The following PCNT variants were observed in gnomAD, a reference collection of about 807,000 sequenced individuals.
PCNT encodes the protein kendrin.
A neutral mutation model predicts 380.4 loss-of-function variants in PCNT; 319 were observed. The ratio of observed to expected loss-of-function variants is 0.84; its 90% CI spans 0.77 to 0.92. The LOEUF (loss-of-function observed/expected upper bound fraction) is 0.92. Ranked by LOEUF, PCNT falls within the 40% of genes least tolerant of loss-of-function variation. The pLI is 0.00. For missense variants in PCNT, 4,400 were observed against 4,255.3 expected (o/e 1.03, Z -0.95); for synonymous variants, 1,845 against 1,735.2 (o/e 1.06, Z -1.57).
chr21:46,404,363 C>T (rs192023372), intron 27 of PCNT, among the ~76,000 whole-genome samples: 17 of 152,344 alleles, frequency 1.1e-4, no homozygotes, highest in African/African-American at 3.6e-4. Context: ...AAGGTTCTGT[C>T]GGCTCTGTTT....
intron 27 of PCNT, among the ~76,000 whole-genome samples, chr21:46,407,634 C>A (rs1285292224): frequency 6.6e-6 from 1 of 152,180 alleles, no homozygotes; most frequent in Non-Finnish European, 1.5e-5. Context: ...TGAGCCACCG[C>A]GCCCAGTCTA....
At position 46,422,712 on chromosome 21, in the gene PCNT, C is replaced by T. The variant is rs1216705930; in HGVS notation, c.7179+588C>T. ...GTCAAGTGGTAAACATATTCCCAAA[C>T]AAAACAGTCTTCACATCAGTGAAAC... On this transcript the variant is annotated intron_variant, in intron 32 of 46. Coordinates refer to ENST00000359568, the MANE Select transcript of PCNT (RefSeq NM_006031.6). 2.6e-5 allele frequency among the ~76,000 whole-genome samples: 4 copies of T among 152,298 alleles called. No individual in the cohort carries two copies. The East Asian group carries it at 7.7e-4, about 29-fold the overall frequency.
intron 15 of PCNT, among the ~76,000 whole-genome samples, chr21:46,371,047 T>C (rs1351587504): frequency 6.6e-6 from 1 of 151,310 alleles, no homozygotes; most frequent in Non-Finnish European, 1.5e-5. Context: ...AAAATATATA[T>C]ATGAAAATAA....
intron 3 of PCNT, among the ~76,000 whole-genome samples, chr21:46,339,823 G>A (rs533517259): frequency 1.3e-5 from 2 of 152,252 alleles, no homozygotes; most frequent in South Asian, 4.1e-4. Flanking sequence ...ATCACACCAG[G>A]TATGGCTTTT....
rs1333081264 is a variant in PCNT at position 46,425,365 on chromosome 21, T to C, written c.7180-466T>C. 6.6e-6 allele frequency among the ~76,000 whole-genome samples: 1 copy of C among 152,226 alleles called. No homozygotes were observed. The highest frequency in any genetic ancestry group is 1.5e-5 in the Non-Finnish European group (1 of 68,034). On this transcript the variant is annotated intron_variant, in intron 32 of 46. Coordinates refer to ENST00000359568, the MANE Select transcript of PCNT (RefSeq NM_006031.6). The surrounding 1 kb of genome is among the most constrained non-coding windows in gnomAD (Gnocchi z 4.2). Reference sequence around the variant, plus strand: ...TTCACCCCACGCTGGTGGTCGGCACTGGCCTCAGCCGGACCACGCACAGAG... The same window carrying C: ...TTCACCCCACGCTGGTGGTCGGCACCGGCCTCAGCCGGACCACGCACAGAG...
At chr21:46,398,175 T>C in intron 23 of PCNT, 45 bp downstream of exon 23, 1 of 1,607,160 alleles carries the variant, frequency 6.2e-7, no homozygotes, top group Non-Finnish European at 8.5e-7. Flanking sequence ...TGTCTTTCAC[T>C]GTGTTTTTAA....
intron 15 of PCNT, among the ~76,000 whole-genome samples, chr21:46,376,409 C>A (rs371744571): frequency 6.6e-6 from 1 of 152,196 alleles, no homozygotes; most frequent in Non-Finnish European, 1.5e-5. Context: ...GCACCGGGAG[C>A]GCAGAGGTTT....
chr21:46,415,739 TAC>T (rs2087001612), intron 29 of PCNT, among the ~76,000 whole-genome samples: 1 of 152,160 alleles, frequency 6.6e-6, no homozygotes, highest in African/African-American at 2.4e-5. Context: ...TCTTAGAAGT[TAC>T]ACACACAGAA....
chr21:46,363,766 T>G lies in PCNT; in HGVS notation c.2441T>G (p.Leu814Trp), dbSNP rs962276935. ...CAGATCCTGGATCTGGAGAGGTCCT[T>G]GACGGAGCAGCAGGGCCGCCTGCAG... ...AAQILDLERS[L>W]TEQQGRLQQL... The change falls in exon 14 of 47, where the codon TTG becomes TGG. Residue 814 changes from leucine (L) to tryptophan (W), a missense_variant. Physicochemically the swap from Leu to Trp is moderately conservative, Grantham distance 61. Transcript: ENST00000359568. 5 of 1,614,096 alleles carry G rather than the reference T, an allele frequency of 3.1e-6. No individual in the cohort carries two copies. Among genetic ancestry groups the G allele is most frequent in the Admixed American group, 1.7e-5 (1 of 60,030 alleles).
chr21:46,347,362 C>T, intron 5 of PCNT, 95 bp from the exon 6 acceptor site: 1 of 1,199,756 alleles, frequency 8.3e-7, no homozygotes, highest in Non-Finnish European at 1.2e-6. Context: ...TGGCACGTGT[C>T]CAGTGGGTGC....
At position 46,411,496 on chromosome 21, in the gene PCNT, A is replaced by T; in HGVS notation, c.5423A>T (p.Asp1808Val). The T allele has an allele frequency of 6.2e-7, 1 of 1,609,460 alleles. No individual in the cohort carries two copies. Among genetic ancestry groups the T allele is most frequent in the Non-Finnish European group, 8.5e-7 (1 of 1,178,496 alleles). Reference sequence around the variant, plus strand: ...GAGGCCCTGAGCCGGCTGCTGGCTGACCAGGAGCGCAGGCACAGCCAGGCC... The same window carrying T: ...GAGGCCCTGAGCCGGCTGCTGGCTGTCCAGGAGCGCAGGCACAGCCAGGCC... ...AKEALSRLLA[D>V]QERRHSQALE... Residue 1808 changes from aspartate (D) to valine (V), a missense_variant, in exon 28 of 47, where the codon GAC becomes GTC. Transcript: ENST00000359568.
At chr21:46,333,230 G>A (rs996228674) in intron 2 of PCNT, among the ~76,000 whole-genome samples, 3 of 151,898 alleles carry the variant, frequency 2.0e-5, no homozygotes, top group African/African-American at 4.8e-5. Flanking sequence ...TCAAGAGATT[G>A]AGACCATCCT....
chr21:46,436,884 G>C, intron 39 of PCNT, 95 bp from the exon 40 acceptor site: 1 of 929,774 alleles, frequency 1.1e-6, no homozygotes, highest in Non-Finnish European at 1.8e-6. Flanking sequence ...TCAGAAACCT[G>C]TCTTGTCTCT....
At position 46,374,849 on chromosome 21, in the gene PCNT, C is replaced by CAAA. The variant is rs760273140; in HGVS notation, c.3166-6825_3166-6823dup. On this transcript the variant is annotated intron_variant, in intron 15 of 46. Coordinates refer to ENST00000359568, the MANE Select transcript of PCNT (RefSeq NM_006031.6). Reference sequence around the variant, plus strand: ...GGGCAACAAGAGCAAAACTTCGTCTCAAAAAAAAAAAAAAAAAAAAAAGTT... The same window carrying CAAA: ...GGGCAACAAGAGCAAAACTTCGTCTCAAAAAAAAAAAAAAAAAAAAAAAAAGTT... Among the ~76,000 whole-genome samples, 504 of 85,076 alleles carry CAAA rather than the reference C, an allele frequency of 5.9e-3. 12 individuals are homozygous for CAAA. Among genetic ancestry groups the CAAA allele is most frequent in the African/African-American group, 0.019 (404 of 20,960 alleles). The allele number at this position is 85,076 out of a possible 152,430, so 55.8% of individuals were successfully genotyped here. A position where few individuals can be genotyped will look rare whatever the true frequency, so the allele number is the denominator to read the frequency against.
chr21:46,391,807 G>C (rs118022227), intron 21 of PCNT, among the ~76,000 whole-genome samples: 6,192 of 152,334 alleles, frequency 0.041, 190 homozygotes, highest in Non-Finnish European at 0.061. Flanking sequence ...AGATATTTTA[G>C]TCTCAAAGGT....
In PCNT at chr21:46,401,707, C is replaced by T. The variant is rs201187205; in HGVS notation, c.4948C>T (p.Arg1650Trp). 71 of 1,614,008 alleles carry T rather than the reference C, an allele frequency of 4.4e-5. No homozygotes were observed. The highest frequency in any genetic ancestry group is 1.7e-4 in the Middle Eastern group (1 of 6,054). The change falls in exon 26 of 47, where the codon CGG (arginine) becomes TGG (tryptophan). Residue 1650 changes from arginine to tryptophan, a missense_variant. Arg to Trp is a moderately radical substitution (Grantham distance 101, BLOSUM62 -3). Coordinates refer to ENST00000359568, the MANE Select transcript of PCNT (RefSeq NM_006031.6). ...AGAGGTGACACAGAGAGCACTCCTGCGGCGCGAGAGCGAGGTGAGTGCAGA... is the reference window on the plus strand; with the variant it reads ...AGAGGTGACACAGAGAGCACTCCTGTGGCGCGAGAGCGAGGTGAGTGCAGA... ...QLEVTQRALL[R>W]RESEVLDLKE...
chr21:46,431,753 C>T lies in PCNT; in HGVS notation c.8289C>T (p.His2763=), dbSNP rs767100231. ...RTLELSEALR[H]ERLLTEQLSQ... ...TGGAGCTGTCAGAGGCCTTGCGGCACGAGCGGCTCCTGACCGAGCAGCTGA... is the reference window on the plus strand; with the variant it reads ...TGGAGCTGTCAGAGGCCTTGCGGCATGAGCGGCTCCTGACCGAGCAGCTGA... Residue 2763 remains histidine (H), a synonymous_variant, in exon 38 of 47, where the codon CAC becomes CAT. Transcript: ENST00000359568. The T allele has an allele frequency of 6.8e-6, 11 of 1,612,406 alleles. No homozygotes were observed. Among genetic ancestry groups the T allele is most frequent in the Admixed American group, 3.3e-5 (2 of 59,992 alleles).
chr21:46,324,563 CG>C (rs1157871414), intron 1 of PCNT, among the ~76,000 whole-genome samples: 62 of 71,890 alleles, frequency 8.6e-4, no homozygotes, highest in South Asian at 3.1e-3. Flanking sequence ...GCGCCTGCGT[CG>C]GGGGGGGTGG....
intron 10 of PCNT, 141 bp from the exon 11 acceptor site, chr21:46,353,846 C>G (rs2084372272): frequency 1.3e-6 from 1 of 743,922 alleles, no homozygotes; most frequent in Non-Finnish European, 2.4e-6. Context: ...GCCACGGCTC[C>G]CCGCACATGG....
Sources: gnomAD v4.1 joint callset for allele counts (sites outside exome capture counted in the v4.1 genomes callset) on GRCh38, gnomAD v4.1.1 for gene constraint, Gnocchi (gnomAD v3.1) non-coding constraint, MANE v1.5 for transcripts, NCBI Gene and HGNC (gene_info 2026-07-23, HGNC 2026-07-21) for gene names.